NTM: variants seen among roughly 807,000 people sequenced by gnomAD.
NTM encodes the protein IgLON family member 2.
Under a neutral mutation model 42.1 loss-of-function variants are expected in NTM, and 13 were observed. The observed-to-expected ratio is 0.31, with a 90% CI of 0.20 to 0.49. The LOEUF (loss-of-function observed/expected upper bound fraction) is 0.49. Ranked by LOEUF, NTM falls within the 20% of genes least tolerant of loss-of-function variation. The probability of loss-of-function intolerance (pLI) is 0.99; values close to 1 mark genes in which losing one functional copy is unlikely to be tolerated. For synonymous variants in NTM, 187 were observed against 179.2 expected (o/e 1.04, Z -0.35); for missense variants, 373 against 452.8 (o/e 0.82, Z 1.60).
At chr11:131,765,910 A>G (rs2085020293) in intron 1 of NTM, among the ~76,000 whole-genome samples, 1 of 152,246 alleles carries the variant, frequency 6.6e-6, no homozygotes, top group Non-Finnish European at 1.5e-5. Context: ...TTAAAGGAAA[A>G]GAAGAGGCAG....
intron 1 of NTM, among the ~76,000 whole-genome samples, chr11:131,859,800 T>C (rs910601144): frequency 6.6e-6 from 1 of 152,194 alleles, no homozygotes; most frequent in Admixed American, 6.5e-5. Flanking sequence ...ATGATGTCGA[T>C]TATGATAGTA....
chr11:131,689,468 G>A (rs2074376106), intron 1 of NTM, among the ~76,000 whole-genome samples: 1 of 152,200 alleles, frequency 6.6e-6, no homozygotes, highest in African/African-American at 2.4e-5. Context: ...CAACTTTCAG[G>A]GGTTTAATTC....
chr11:131,896,680 T>G (rs2052315742), intron 1 of NTM, among the ~76,000 whole-genome samples: 2 of 72,976 alleles, frequency 2.7e-5, no homozygotes, highest in Admixed American at 2.6e-4. Context: ...CATTTTAGGC[T>G]TTTTTTTTTT....
intron 1 of NTM, among the ~76,000 whole-genome samples, chr11:131,532,278 G>C (rs1228594671): frequency 1.3e-5 from 2 of 152,064 alleles, no homozygotes; most frequent in Non-Finnish European, 2.9e-5. Context: ...CTGTTTCTCT[G>C]AATTTGCCTA....
intron 1 of NTM, chr11:131,535,783 G>A (rs527861009): frequency 6.6e-6 from 1 of 152,350 alleles, no homozygotes; most frequent in Admixed American, 6.5e-5. Context: ...ATCTGCTTCT[G>A]TAGCTTCTCC....
intron 4 of NTM, chr11:132,306,418 C>A (rs1466549331): frequency 1.3e-5 from 2 of 152,180 alleles, no homozygotes; most frequent in Admixed American, 1.3e-4. Flanking sequence ...TGCTGCACCC[C>A]CTGAAGCTGT....
At chr11:131,481,635 A>AGG (rs1446150811) in intron 1 of NTM, among the ~76,000 whole-genome samples, 1 of 147,660 alleles carries the variant, frequency 6.8e-6, no homozygotes, top group Non-Finnish European at 1.5e-5. Context: ...GCCCTGTTGC[A>AGG]GGGAAGCACC....
At chr11:131,616,365 A>G (rs916359466) in intron 1 of NTM, among the ~76,000 whole-genome samples, 3 of 152,144 alleles carry the variant, frequency 2.0e-5, no homozygotes, top group African/African-American at 7.2e-5. Flanking sequence ...CAAACTGGAG[A>G]GTGGGAAATG....
chr11:131,744,906 A>C (rs750540790), intron 1 of NTM, among the ~76,000 whole-genome samples: 7 of 152,188 alleles, frequency 4.6e-5, no homozygotes, highest in Non-Finnish European at 8.8e-5. Flanking sequence ...ATACCGACTA[A>C]ATATTAGACA....
intron 2 of NTM, among the ~76,000 whole-genome samples, chr11:132,142,502 T>C (rs1428831609): frequency 6.6e-6 from 1 of 152,202 alleles, no homozygotes; most frequent in African/African-American, 2.4e-5. Context: ...TTTTCTTTTT[T>C]TAACCGAGGA....
intron 1 of NTM, among the ~76,000 whole-genome samples, chr11:131,500,661 C>T (rs183885323): frequency 5.5e-4 from 81 of 148,106 alleles, no homozygotes; most frequent in Non-Finnish European, 8.9e-4. Flanking sequence ...TGGATACATG[C>T]ACCATGCTGG....
At chr11:132,164,626 C>T (rs115660427) in intron 3 of NTM, among the ~76,000 whole-genome samples, 1 of 151,902 alleles carries the variant, frequency 6.6e-6, no homozygotes, top group African/African-American at 2.4e-5. Flanking sequence ...TGAGGTAGAA[C>T]CAGCATCTAA....
chr11:132,041,398 T>G lies in NTM; in HGVS notation c.168-104884T>G, dbSNP rs73587323. On this transcript the variant is annotated intron_variant, in intron 2 of 8. Coordinates refer to ENST00000683400, the MANE Select transcript of NTM (RefSeq NM_001352005.2). The stretch of plus-strand genomic sequence containing the variant: ...GACAAGAATGTGGAAGTGAAGAATG[T>G]TTATGAGACTCACTCTAACATGCTG... Among the ~76,000 whole-genome samples the G allele has an allele frequency of 2.3e-3, 348 of 152,240 alleles. 1 individual carries two copies. The highest frequency in any genetic ancestry group is 7.8e-3 in the African/African-American group (323 of 41,526).
At chr11:131,735,839 T>G (rs561469501) in intron 1 of NTM, among the ~76,000 whole-genome samples, 4 of 128,264 alleles carry the variant, frequency 3.1e-5, no homozygotes, top group South Asian at 2.4e-4. Flanking sequence ...TCATAAGGTG[T>G]GTGTGTGTGT....
intron 1 of NTM, among the ~76,000 whole-genome samples, chr11:131,756,423 C>T (rs922906802): frequency 3.3e-5 from 5 of 151,712 alleles, no homozygotes; most frequent in African/African-American, 1.2e-4. Flanking sequence ...GTCTGGGAGG[C>T]TGAGGCAGGT....
chr11:132,042,044 A>T (rs990204744), intron 2 of NTM, among the ~76,000 whole-genome samples: 1 of 152,230 alleles, frequency 6.6e-6, no homozygotes, highest in Admixed American at 6.5e-5. Context: ...AAGGCCTGGC[A>T]TTCTATTGAA....
At chr11:132,044,078 G>A (rs1044084693) in intron 2 of NTM, among the ~76,000 whole-genome samples, 2 of 99,882 alleles carry the variant, frequency 2.0e-5, no homozygotes, top group African/African-American at 5.4e-5. Context: ...ATGTGTATGT[G>A]TTTGTGTGTA....
intron 1 of NTM, among the ~76,000 whole-genome samples, chr11:131,499,529 C>T (rs1056352369): frequency 2.0e-5 from 3 of 152,204 alleles, no homozygotes; most frequent in African/African-American, 7.2e-5. Context: ...CTTTCCACAC[C>T]ATGACGAAGG....
chr11:131,905,031 C>A (rs2053662436), intron 1 of NTM, among the ~76,000 whole-genome samples: 1 of 152,194 alleles, frequency 6.6e-6, no homozygotes, highest in Admixed American at 6.5e-5. Flanking sequence ...TACCTGTAGG[C>A]TGACTCAGAA....
Sources: gnomAD v4.1 joint callset for allele counts (sites outside exome capture counted in the v4.1 genomes callset) on GRCh38, gnomAD v4.1.1 for gene constraint, MANE v1.5 for transcripts, NCBI Gene and HGNC (gene_info 2026-07-23, HGNC 2026-07-21) for gene names.